Variants in SPTAN1 observed in about 807,000 individuals in gnomAD.
The protein encoded by SPTAN1 is spectrin alpha, non-erythrocytic 1.
In SPTAN1, 61 loss-of-function variants were observed where a neutral mutation model predicts 331.3. The observed-to-expected ratio is 0.18, with a 90% CI of 0.15 to 0.23. The LOEUF (loss-of-function observed/expected upper bound fraction) is 0.23, where lower values mean the gene tolerates loss of function less well. Ranked by LOEUF, SPTAN1 falls within the 10% of genes least tolerant of loss-of-function variation. SPTAN1 has a pLI of 1.00. For missense variants in SPTAN1, 2,043 were observed against 3,147.9 expected (o/e 0.65, Z 8.40); for synonymous variants, 1,153 against 1,173.9 (o/e 0.98, Z 0.36).
rs1850087880 is a variant in SPTAN1 at position 128,566,782 on chromosome 9, C to T, written c.42C>T (p.Asp14=). The T allele has an allele frequency of 1.2e-6, 2 of 1,614,108 alleles. No homozygotes were observed. The highest frequency in any genetic ancestry group is 1.3e-5 in the African/African-American group (1 of 74,936). ...TCAAAGTGCTGGAAACAGCAGAGGA[C>T]ATCCAGGAGAGGCGGCAGCAGGTCC... is the stretch of plus-strand genomic sequence containing the variant. ...SGVKVLETAE[D]IQERRQQVLD... Residue 14 remains aspartate (D), a synonymous_variant, in exon 2 of 57, where the codon GAC becomes GAT. Coordinates refer to ENST00000372739, the MANE Select transcript of SPTAN1 (RefSeq NM_001130438.3).
chr9:128,571,785 C>T (rs1850757914), intron 3 of SPTAN1, among the ~76,000 whole-genome samples: 1 of 152,144 alleles, frequency 6.6e-6, no homozygotes, highest in Non-Finnish European at 1.5e-5. Flanking sequence ...CAAAGTCACA[C>T]AGTTGATAGA....
rs1012897063 is a variant in SPTAN1 at position 128,593,942 on chromosome 9, G to A, written c.3216-233G>A. 7.3e-6 allele frequency: 4 copies of A among 547,146 alleles called. No homozygotes were observed. In the African/African-American group the frequency reaches 7.5e-5, roughly 10 times the overall value. The allele number at this position is 547,146 out of a possible 1,614,324, so 33.9% of individuals were successfully genotyped here. A position where few individuals can be genotyped will look rare whatever the true frequency, so the allele number is the denominator to read the frequency against. ...ATCGGCCTGGGGATAAGTGTGCCTG[G>A]CTGTTCTAGCCACCTGGTTGTGAAC... On this transcript the variant is annotated intron_variant, in intron 23 of 56. Transcript: ENST00000372739.
chr9:128,607,515 C>A, intron 31 of SPTAN1, 89 bp from the exon 32 acceptor site: 1 of 1,179,084 alleles, frequency 8.5e-7, no homozygotes, highest in Non-Finnish European at 1.3e-6. Context: ...CTTTCTGAGG[C>A]AAGAATTATG....
chr9:128,566,132 C>T (rs1850008786), intron 1 of SPTAN1, among the ~76,000 whole-genome samples: 1 of 152,210 alleles, frequency 6.6e-6, no homozygotes, highest in South Asian at 2.1e-4. Flanking sequence ...TGATGGCTCA[C>T]TGCAGTCTTG....
At chr9:128,569,902 C>G (rs1850453447) in intron 3 of SPTAN1, among the ~76,000 whole-genome samples, 1 of 151,968 alleles carries the variant, frequency 6.6e-6, no homozygotes, top group Non-Finnish European at 1.5e-5. Context: ...ACAATTAGCC[C>G]TAAGATGTAT....
intron 51 of SPTAN1, 64 bp from the exon 52 acceptor site, chr9:128,630,257 G>A: frequency 1.9e-6 from 3 of 1,568,236 alleles, no homozygotes; most frequent in East Asian, 2.2e-5. Context: ...CTGAGAGAAG[G>A]TTCATTCTGA....
intron 3 of SPTAN1, among the ~76,000 whole-genome samples, chr9:128,573,269 CTG>C (rs1334934779): frequency 2.0e-5 from 3 of 152,138 alleles, no homozygotes; most frequent in Non-Finnish European, 4.4e-5. Flanking sequence ...CTTACTGGGC[CTG>C]TGTTATGAGA....
chr9:128,621,132 G>C (rs768529983), intron 44 of SPTAN1, 26 bp from the exon 45 acceptor site: 5 of 1,610,824 alleles, frequency 3.1e-6, no homozygotes, highest in Non-Finnish European at 4.2e-6. Context: ...GCTCTCAATA[G>C]TGTGCCTTGG....
chr9:128,608,074 C>T (rs1225440962), intron 33 of SPTAN1, 25 bp downstream of exon 33: 1 of 1,614,068 alleles, frequency 6.2e-7, no homozygotes. Flanking sequence ...GGTTTCTGAC[C>T]AAGTGTTTCC....
chr9:128,569,391 A>T (rs898948991), intron 3 of SPTAN1, among the ~76,000 whole-genome samples: 3 of 152,054 alleles, frequency 2.0e-5, no homozygotes, highest in African/African-American at 7.3e-5. Context: ...CTATTGGTCA[A>T]TGACCATGGT....
intron 24 of SPTAN1, among the ~76,000 whole-genome samples, chr9:128,594,751 C>T (rs1854005176): frequency 6.8e-6 from 1 of 147,972 alleles, no homozygotes; most frequent in South Asian, 2.1e-4. Context: ...TGATTTCTGA[C>T]TGCAAATTAC....
intron 37 of SPTAN1, among the ~76,000 whole-genome samples, chr9:128,611,058 G>C (rs1246449928): frequency 1.3e-5 from 2 of 152,192 alleles, no homozygotes; most frequent in Non-Finnish European, 2.9e-5. Context: ...GCCATGGATG[G>C]AAATTGATGT....
intron 45 of SPTAN1, chr9:128,621,566 T>C (rs1316632065): frequency 2.2e-6 from 1 of 451,562 alleles, no homozygotes; most frequent in East Asian, 4.4e-5. Context: ...AAAATGCAAA[T>C]AAGCAAAACA....
In SPTAN1 at chr9:128,577,650, C is replaced by A; in HGVS notation, c.1085+144C>A. The A allele has an allele frequency of 1.7e-6, 2 of 1,143,042 alleles. No individual in the cohort carries two copies. The highest frequency in any genetic ancestry group is 2.4e-5 in the East Asian group (1 of 41,912). 70.8% of individuals were successfully genotyped at this position (1,143,042 alleles called of 1,614,324 possible). ...GCAAATCACTTCTTACCTATGTTCT[C>A]TCTGTTTGGAGACTGGCAACTGTAT... On this transcript the variant is annotated intron_variant, in intron 8 of 56. Coordinates refer to ENST00000372739, the MANE Select transcript of SPTAN1 (RefSeq NM_001130438.3). The surrounding 1 kb of genome is among the most constrained non-coding windows in gnomAD (Gnocchi z 4.2).
At chr9:128,624,750 G>A (rs185369614) in intron 46 of SPTAN1, 30 of 568,788 alleles carry the variant, frequency 5.3e-5, no homozygotes, top group African/African-American at 1.3e-4. Flanking sequence ...ATAATGTGAC[G>A]TCATGGCATG....
chr9:128,609,681 T>G lies in SPTAN1; in HGVS notation c.4773+16T>G. 2 of 1,498,378 alleles carry G rather than the reference T, an allele frequency of 1.3e-6. No homozygotes were observed. The highest frequency in any genetic ancestry group is 1.8e-6 in the Non-Finnish European group (2 of 1,124,244). 92.8% of individuals were successfully genotyped at this position (1,498,378 alleles called of 1,614,324 possible). A position where few individuals can be genotyped will look rare whatever the true frequency, so the allele number is the denominator to read the frequency against. On this transcript the variant is annotated intron_variant, in intron 37 of 56. Transcript: ENST00000372739. ...CAAGCTGCTGGTAAGTTTTTAATTTTTTTAAGAGTTGTAGTTAAATGAGCT... is the reference window on the plus strand; with the variant it reads ...CAAGCTGCTGGTAAGTTTTTAATTTGTTTAAGAGTTGTAGTTAAATGAGCT...
chr9:128,558,883 A>G (rs1444691839), intron 1 of SPTAN1, among the ~76,000 whole-genome samples: 1 of 152,048 alleles, frequency 6.6e-6, no homozygotes, highest in Non-Finnish European at 1.5e-5. Flanking sequence ...ATTTATGAGA[A>G]TTTTCCTGTG....
At chr9:128,631,248 A>G (rs1479940275) in intron 52 of SPTAN1, among the ~76,000 whole-genome samples, 1 of 150,508 alleles carries the variant, frequency 6.6e-6, no homozygotes, top group Middle Eastern at 3.2e-3. Context: ...GCTTGAAGTC[A>G]GGAGTTCGAG....
rs1263895191 is a variant in SPTAN1, at chr9:128,625,335, T to G, written c.6069+156T>G. Among the ~76,000 whole-genome samples, 1 of 152,094 alleles carries G rather than the reference T, an allele frequency of 6.6e-6. No individual in the cohort carries two copies. The highest frequency in any genetic ancestry group is 1.5e-5 in the Non-Finnish European group (1 of 68,002). ...GTCCTCAGGGAGCTTCCAGACTAAC[T>G]GGGGAAGCAGACACAGAACCAGGCA... On this transcript the variant is annotated intron_variant, in intron 47 of 56. Coordinates refer to ENST00000372739, the MANE Select transcript of SPTAN1 (RefSeq NM_001130438.3). This position sits in a 1 kb window ranked among gnomAD's most constrained non-coding sequence, Gnocchi z 4.1.
Sources: allele counts gnomAD v4.1 joint callset (sites outside exome capture counted in the v4.1 genomes callset), GRCh38; gene constraint gnomAD v4.1.1; non-coding constraint Gnocchi (gnomAD v3.1); transcripts MANE v1.5; gene names NCBI Gene and HGNC (gene_info 2026-07-23, HGNC 2026-07-21).